PABIR2: variants seen among roughly 807,000 people sequenced by gnomAD.
PABIR2 encodes the protein PABIR family member 2.
Under a neutral mutation model 22.8 loss-of-function variants are expected in PABIR2, and 7 were observed. That is an observed-to-expected ratio of 0.31 (90% CI 0.17 to 0.58). The LOEUF is 0.58. PABIR2 is among the 20% of genes least tolerant of loss of function. The pLI, the probability that PABIR2 is intolerant of heterozygous loss-of-function variation, is 0.89. For synonymous variants in PABIR2, 67 were observed against 73.8 expected, an observed-to-expected ratio of 0.91 and a Z score of 0.47; for missense variants, 155 against 205.1, an observed-to-expected ratio of 0.76 and a Z score of 1.49.
In PABIR2 at chrX:134,787,181, C is replaced by G. The variant is rs991511933; in HGVS notation, c.497+291G>C. ...ATGGTGCGATCTCAGCTCACTGCAA[C>G]CTCCGCCTGCTTGGTTCAAGCGATT... On this transcript the variant is annotated intron_variant, in intron 7 of 9. Coordinates refer to ENST00000343004, the MANE Select transcript of PABIR2 (RefSeq NM_001387468.1). Among the ~76,000 whole-genome samples, 4 of 105,732 alleles carry G rather than the reference C, an allele frequency of 3.8e-5. No individual in the cohort carries two copies. The East Asian group carries it at 1.2e-3, about 32-fold the overall frequency. 91.8% of individuals were successfully genotyped at this position (105,732 alleles called of 115,157 possible). A position where few individuals can be genotyped will look rare whatever the true frequency, so the allele number is the denominator to read the frequency against.
chrX:134,790,292 T>A (rs2079508616), intron 2 of PABIR2, among the ~76,000 whole-genome samples: 1 of 112,182 alleles, frequency 8.9e-6, no homozygotes, highest in Non-Finnish European at 1.9e-5. Flanking sequence ...GAGGCCAAAT[T>A]ATGTTCCTTC....
intron 2 of PABIR2, 79 bp from the exon 3 acceptor site, chrX:134,789,715 T>C: frequency 1.1e-6 from 1 of 874,101 alleles, no homozygotes; most frequent in Non-Finnish European, 1.6e-6. Flanking sequence ...GTACAACCTC[T>C]TCCTAGGTAA....
chrX:134,775,036 C>T (rs192925782), intron 9 of PABIR2, among the ~76,000 whole-genome samples: 145 of 112,292 alleles, frequency 1.3e-3, no homozygotes, highest in African/African-American at 4.5e-3. Flanking sequence ...TTGAGTTTAT[C>T]TCTTCTTTCT....
rs2079874255 is a variant in PABIR2 at position 134,796,875 on chromosome X, GC to G, written c.-671del. ...GGACCTGACAGTCGGGTAGGACCCGGCCGGGCGGCCTTGGCGGCTCCAGCTC... is the reference window on the plus strand; with the variant it reads ...GGACCTGACAGTCGGGTAGGACCCGGCGGGCGGCCTTGGCGGCTCCAGCTC... On this transcript the variant is annotated 5_prime_UTR_variant, in exon 1 of 10. It introduces an in-frame stop codon into an upstream open reading frame of the 5' UTR. Transcript: ENST00000343004. 8.9e-6 allele frequency: 1 copy of G among 112,084 alleles called. No homozygotes were observed. Among genetic ancestry groups the G allele is most frequent in the African/African-American group, 3.2e-5 (1 of 30,834 alleles). The allele number at this position is 112,084 out of a possible 1,213,427, so 9.2% of individuals were successfully genotyped here.
rs1430707080 is a variant in PABIR2, at chrX:134,770,445, C to T, written c.*1694G>A. 8.9e-6 allele frequency: 1 copy of T among 112,694 alleles called. No homozygotes were observed. Among genetic ancestry groups the T allele is most frequent in the African/African-American group, 3.2e-5 (1 of 30,966 alleles). The allele number at this position is 112,694 out of a possible 1,213,427, so 9.3% of individuals were successfully genotyped here. A position where few individuals can be genotyped will look rare whatever the true frequency, so the allele number is the denominator to read the frequency against. ...ATCGGATGCTGTAACAGAAGTACTG[C>T]ACGCTAAGTGATGCTCTCTTGTAAT... On this transcript the variant is annotated 3_prime_UTR_variant, in exon 10 of 10. Coordinates refer to ENST00000343004, the MANE Select transcript of PABIR2 (RefSeq NM_001387468.1).
Position 134,781,139 on chromosome X carries a change from C to T in PABIR2, c.659+682G>A, listed in dbSNP as rs138636537. Reference sequence around the variant, plus strand: ...GTTGGCACTGCCACACCATTGGCAACTAATGACAGGCTGACCTAACAGGAG... The same window carrying T: ...GTTGGCACTGCCACACCATTGGCAATTAATGACAGGCTGACCTAACAGGAG... On this transcript the variant is annotated intron_variant, in intron 9 of 9. Coordinates refer to ENST00000343004, the MANE Select transcript of PABIR2 (RefSeq NM_001387468.1). 6.4e-4 allele frequency among the ~76,000 whole-genome samples: 72 copies of T among 112,552 alleles called. 4 individuals are homozygous for T. The East Asian group carries it at 8.6e-3, about 13-fold the overall frequency.
chrX:134,784,513 C>T (rs1346742543), intron 8 of PABIR2, among the ~76,000 whole-genome samples: 1 of 105,494 alleles, frequency 9.5e-6, no homozygotes, highest in Non-Finnish European at 1.9e-5. Context: ...TTTTTTGAGA[C>T]AGGGTCTCAC....
intron 9 of PABIR2, among the ~76,000 whole-genome samples, chrX:134,775,691 G>A (rs1336917689): frequency 3.6e-5 from 4 of 110,821 alleles, no homozygotes; most frequent in Non-Finnish European, 7.5e-5. Flanking sequence ...GAGCCACTTT[G>A]TGCCTTGTCT....
At chrX:134,778,201 A>G (rs2079045753) in intron 9 of PABIR2, among the ~76,000 whole-genome samples, 1 of 99,497 alleles carries the variant, frequency 1.0e-5, no homozygotes, top group Non-Finnish European at 2.0e-5. Flanking sequence ...GCCAGGATCC[A>G]GTTTTTATAT....
chrX:134,794,605 C>T (rs2079660638), intron 1 of PABIR2, among the ~76,000 whole-genome samples: 1 of 112,190 alleles, frequency 8.9e-6, no homozygotes, highest in Non-Finnish European at 1.9e-5. Flanking sequence ...GAGACACCTA[C>T]TTTGTCTCTT....
chrX:134,772,617 C>T (rs2078864494), intron 9 of PABIR2, among the ~76,000 whole-genome samples: 1 of 110,738 alleles, frequency 9.0e-6, no homozygotes, highest in African/African-American at 3.3e-5. Flanking sequence ...TTATGTTTAC[C>T]TTCCCATCAG....
chrX:134,786,080 T>C, intron 7 of PABIR2, 130 bp from the exon 8 acceptor site: 1 of 578,734 alleles, frequency 1.7e-6, no homozygotes, highest in African/African-American at 2.2e-5. Context: ...AATTCTTCTG[T>C]AATTGAGTAA....
intron 2 of PABIR2, 90 bp from the exon 3 acceptor site, chrX:134,789,726 G>A (rs768193412): frequency 1.2e-4 from 98 of 789,114 alleles, no homozygotes; most frequent in Middle Eastern, 4.4e-4. Flanking sequence ...TCCTAGGTAA[G>A]TTTTCATATT....
Position 134,771,990 on chromosome X carries a change from A to G in PABIR2, c.*149T>C. On this transcript the variant is annotated 3_prime_UTR_variant, in exon 10 of 10. Transcript: ENST00000343004. ...AGGCTCACAAAATTGAACTTTGGAGAAGAGAGATGCCAAAGAGTAATAATA... is the reference window on the plus strand; with the variant it reads ...AGGCTCACAAAATTGAACTTTGGAGGAGAGAGATGCCAAAGAGTAATAATA... 1 of 985,758 alleles carries G rather than the reference A, an allele frequency of 1.0e-6. No individual in the cohort carries two copies. The highest frequency in any genetic ancestry group is 1.3e-6 in the Non-Finnish European group (1 of 780,793). The allele number at this position is 985,758 out of a possible 1,213,427, so 81.2% of individuals were successfully genotyped here. A position where few individuals can be genotyped will look rare whatever the true frequency, so the allele number is the denominator to read the frequency against.
intron 6 of PABIR2, among the ~76,000 whole-genome samples, chrX:134,788,039 A>AAT (rs892997956): frequency 8.3e-5 from 9 of 107,855 alleles, no homozygotes; most frequent in Non-Finnish European, 1.1e-4. Context: ...ATATATATGT[A>AAT]ATATATATGT....
At chrX:134,777,468 G>C (rs2079011714) in intron 9 of PABIR2, among the ~76,000 whole-genome samples, 1 of 103,056 alleles carries the variant, frequency 9.7e-6, no homozygotes, top group South Asian at 4.8e-4. Context: ...AGAGGTTGCA[G>C]TGAGCCATGA....
chrX:134,772,795 T>C (rs1185167344), intron 9 of PABIR2, among the ~76,000 whole-genome samples: 1 of 111,716 alleles, frequency 9.0e-6, no homozygotes, highest in Non-Finnish European at 1.9e-5. Context: ...TCAAACACAT[T>C]TTTTAAATGA....
chrX:134,789,288 C>G, intron 3 of PABIR2, 22 bp from the exon 4 acceptor site: 16 of 1,210,867 alleles, frequency 1.3e-5, no homozygotes, highest in Non-Finnish European at 1.8e-5. Flanking sequence ...AACATATATG[C>G]TAAAAAGGCA....
At position 134,787,788 on chromosome X, in the gene PABIR2, T is replaced by C. The variant is rs756064066; in HGVS notation, c.436-255A>G. ...GCGCCACCATGCCCGACTAATTTTT[T>C]TGTATCTATTTTTTTTTTTTTAATG... On this transcript the variant is annotated intron_variant, in intron 6 of 9. Transcript: ENST00000343004. 2.4e-3 allele frequency among the ~76,000 whole-genome samples: 251 copies of C among 104,232 alleles called. 1 individual carries two copies. The highest frequency in any genetic ancestry group is 8.2e-3 in the African/African-American group (234 of 28,647). The allele number at this position is 104,232 out of a possible 115,157, so 90.5% of individuals were successfully genotyped here.
Sources: allele counts gnomAD v4.1 joint callset (sites outside exome capture counted in the v4.1 genomes callset), GRCh38; gene constraint gnomAD v4.1.1; transcripts MANE v1.5; gene names NCBI Gene and HGNC (gene_info 2026-07-23, HGNC 2026-07-21).